Variants in COL5A1 observed in about 807,000 individuals in gnomAD.
COL5A1 encodes collagen alpha-1(V) chain.
A neutral mutation model predicts 263.7 loss-of-function variants in COL5A1; 16 were observed. The observed-to-expected ratio is 0.06, with a 90% CI of 0.04 to 0.09. The LOEUF (loss-of-function observed/expected upper bound fraction) is 0.09, where lower values mean the gene tolerates loss of function less well. Among genes scored for constraint, COL5A1 ranks in the 10% least tolerant of loss-of-function variants. The pLI is 1.00. For synonymous variants in COL5A1, 1,012 were observed against 1,004.5 expected (o/e 1.01, Z -0.14); for missense variants, 2,036 against 2,540.5 (o/e 0.80, Z 4.27).
At position 134,741,753 on chromosome 9, in the gene COL5A1, C is replaced by T. The variant is rs975164298; in HGVS notation, c.1494+2945C>T. The stretch of plus-strand genomic sequence containing the variant: ...GGGGAGTGGCGTGCTCTGTCCCCTC[C>T]GTCTGCTTGGCCTCCTGTGCCTCTG... On this transcript the variant is annotated intron_variant, in intron 11 of 65. Coordinates refer to ENST00000371817, the MANE Select transcript of COL5A1 (RefSeq NM_000093.5). This position sits in a 1 kb window ranked among gnomAD's most constrained non-coding sequence, Gnocchi z 4.5. 3.9e-5 allele frequency among the ~76,000 whole-genome samples: 6 copies of T among 152,250 alleles called. No individual in the cohort carries two copies. The highest frequency in any genetic ancestry group is 1.9e-4 in the East Asian group (1 of 5,166).
At chr9:134,684,210 T>A (rs1167596248) in intron 1 of COL5A1, among the ~76,000 whole-genome samples, 1 of 152,004 alleles carries the variant, frequency 6.6e-6, no homozygotes, top group African/African-American at 2.4e-5. Flanking sequence ...CTCGGAGGAG[T>A]GCTCGGGCAC....
intron 2 of COL5A1, among the ~76,000 whole-genome samples, chr9:134,692,278 T>G (rs1442924876): frequency 6.6e-6 from 1 of 152,172 alleles, no homozygotes; most frequent in Non-Finnish European, 1.5e-5. Context: ...AGAGTGGCCC[T>G]GGGCTGTGGA....
intron 65 of COL5A1, 53 bp downstream of exon 65, chr9:134,835,257 G>C: frequency 6.7e-7 from 1 of 1,500,730 alleles, no homozygotes. Context: ...CGTGGGGCTC[G>C]CTCCTCACTC....
chr9:134,826,783 G>A (rs971699804), intron 63 of COL5A1, among the ~76,000 whole-genome samples: 2 of 145,074 alleles, frequency 1.4e-5, no homozygotes, highest in Non-Finnish European at 3.0e-5. Flanking sequence ...TGTAGATGGT[G>A]TTTGGGTACT....
intron 4 of COL5A1, among the ~76,000 whole-genome samples, chr9:134,717,370 TC>T (rs1423949003): frequency 1.3e-5 from 2 of 152,172 alleles, no homozygotes; most frequent in Non-Finnish European, 2.9e-5. Flanking sequence ...GACTCCACCC[TC>T]CCAGCAGCCT....
Position 134,652,778 on chromosome 9 carries a change from T to C in COL5A1, c.109+10482T>C. ...CTTCTTAGGCCGGGTCCAGCGTTTC[T>C]CCTCATGGTGTAGACCAGCAGTTCC... On this transcript the variant is annotated intron_variant, in intron 1 of 65. Transcript: ENST00000371817. The surrounding 1 kb of genome is among the most constrained non-coding windows in gnomAD (Gnocchi z 4.4). 1 of 470,142 alleles carries C rather than the reference T, an allele frequency of 2.1e-6. No homozygotes were observed. Among genetic ancestry groups the C allele is most frequent in the South Asian group, 1.6e-5 (1 of 64,454 alleles). 29.1% of individuals were successfully genotyped at this position (470,142 alleles called of 1,614,324 possible).
intron 32 of COL5A1, among the ~76,000 whole-genome samples, chr9:134,790,465 G>C (rs1378078149): frequency 8.8e-4 from 23 of 26,258 alleles, no homozygotes; most frequent in Non-Finnish European, 5.8e-4. Context: ...CATCCATCCA[G>C]CCACCCACCC....
At chr9:134,752,065 G>A (rs1835800211) in intron 13 of COL5A1, among the ~76,000 whole-genome samples, 1 of 152,212 alleles carries the variant, frequency 6.6e-6, no homozygotes, top group Non-Finnish European at 1.5e-5. Context: ...GGAAAGCGGT[G>A]GGCCCTGCAC....
chr9:134,731,149 C>T (rs555995692), intron 7 of COL5A1, among the ~76,000 whole-genome samples: 1 of 152,334 alleles, frequency 6.6e-6, no homozygotes, highest in South Asian at 2.1e-4. Flanking sequence ...GAGGACACCT[C>T]GTTCCAGCAG....
chr9:134,835,320 G>C, intron 65 of COL5A1, 116 bp downstream of exon 65: 1 of 901,556 alleles, frequency 1.1e-6, no homozygotes, highest in African/African-American at 1.6e-5. Flanking sequence ...TGAGGGCCCC[G>C]GACCAGACTC....
intron 4 of COL5A1, among the ~76,000 whole-genome samples, chr9:134,715,207 C>G (rs1035858777): frequency 6.6e-6 from 1 of 152,014 alleles, no homozygotes; most frequent in Non-Finnish European, 1.5e-5. Flanking sequence ...ACAAATGTCT[C>G]TGTATCATAA....
chr9:134,743,312 A>G (rs753364142), intron 11 of COL5A1, among the ~76,000 whole-genome samples: 1 of 152,240 alleles, frequency 6.6e-6, no homozygotes, highest in Non-Finnish European at 1.5e-5. Context: ...GTTTTCATCT[A>G]GAAATAAGCT....
At position 134,821,560 on chromosome 9, in the gene COL5A1, A is replaced by T. The variant is rs1839000879; in HGVS notation, c.4555-537A>T. ...CAAAGCTGTTCTGTGCCAGCAGCTC[A>T]GTCTGGGAGGGAGTCAGTGGGGAGA... On this transcript the variant is annotated intron_variant, in intron 58 of 65. Coordinates refer to ENST00000371817, the MANE Select transcript of COL5A1 (RefSeq NM_000093.5). This position sits in a 1 kb window ranked among gnomAD's most constrained non-coding sequence, Gnocchi z 4.2. Among the ~76,000 whole-genome samples, 1 of 152,192 alleles carries T rather than the reference A, an allele frequency of 6.6e-6. No homozygotes were observed. The highest frequency in any genetic ancestry group is 6.5e-5 in the Admixed American group (1 of 15,290).
In COL5A1 at chr9:134,765,531, G is replaced by T. The variant is rs1836629685; in HGVS notation, c.2035-150G>T. 1 of 688,870 alleles carries T rather than the reference G, an allele frequency of 1.5e-6. No individual in the cohort carries two copies. Among genetic ancestry groups the T allele is most frequent in the Non-Finnish European group, 2.6e-6 (1 of 381,188 alleles). 42.7% of individuals were successfully genotyped at this position (688,870 alleles called of 1,614,324 possible). A position where few individuals can be genotyped will look rare whatever the true frequency, so the allele number is the denominator to read the frequency against. ...GGGAGGCAGCGCAGCAGGCTGGGAG[G>T]GAGTCTGGGCCTCACTCCTGGGAGG... On this transcript the variant is annotated intron_variant, in intron 20 of 65. Coordinates refer to ENST00000371817, the MANE Select transcript of COL5A1 (RefSeq NM_000093.5). The surrounding 1 kb of genome is among the most constrained non-coding windows in gnomAD (Gnocchi z 5.1).
rs546247769 is a variant in COL5A1 at position 134,844,464 on chromosome 9, C to T, written c.*2161C>T. On this transcript the variant is annotated 3_prime_UTR_variant, in exon 66 of 66. Coordinates refer to ENST00000371817, the MANE Select transcript of COL5A1 (RefSeq NM_000093.5). ...CCCTTCAAAGTTGTTATAATTTGTA[C>T]TGAACTTCAAAATGTGTCCCGTTCT... The T allele has an allele frequency of 1.3e-5, 2 of 152,634 alleles. No homozygotes were observed. Among genetic ancestry groups the T allele is most frequent in the South Asian group, 2.1e-4 (1 of 4,832 alleles). The allele number at this position is 152,634 out of a possible 1,614,324, so 9.5% of individuals were successfully genotyped here.
chr9:134,743,352 G>C (rs930401224), intron 11 of COL5A1, among the ~76,000 whole-genome samples: 3 of 152,152 alleles, frequency 2.0e-5, no homozygotes, highest in African/African-American at 7.2e-5. Flanking sequence ...TCCCGAGAGC[G>C]CCAGCTGGTG....
At chr9:134,816,994 TC>T (rs1838777825) in intron 52 of COL5A1, 31 bp from the exon 53 acceptor site, 1 of 1,609,152 alleles carries the variant, frequency 6.2e-7, no homozygotes, top group Admixed American at 1.7e-5. Context: ...GGGCCCCAAT[TC>T]CTCACACTCT....
At chr9:134,761,792 C>A in intron 18 of COL5A1, 133 bp from the exon 19 acceptor site, 1 of 913,436 alleles carries the variant, frequency 1.1e-6, no homozygotes, top group South Asian at 1.3e-5. Flanking sequence ...AAGGAAAATT[C>A]CCCCATTCTG....
At chr9:134,826,076 A>G (rs895966262) in intron 63 of COL5A1, among the ~76,000 whole-genome samples, 172 bp downstream of exon 63, 1 of 152,226 alleles carries the variant, frequency 6.6e-6, no homozygotes, top group African/African-American at 2.4e-5. Context: ...TGTTTTAAGA[A>G]ATTTTTTAGT....
Sources: allele counts gnomAD v4.1 joint callset (sites outside exome capture counted in the v4.1 genomes callset), GRCh38; gene constraint gnomAD v4.1.1; non-coding constraint Gnocchi (gnomAD v3.1); transcripts MANE v1.5; gene names NCBI Gene and HGNC (gene_info 2026-07-23, HGNC 2026-07-21).